BANK1: variants seen among roughly 807,000 people sequenced by gnomAD.
The protein encoded by BANK1 is B cell scaffold protein with ankyrin repeats 1.
Under a neutral mutation model 94.5 loss-of-function variants are expected in BANK1, and 95 were observed. That is an observed-to-expected ratio of 1.00 (90% confidence interval 0.85 to 1.19). The LOEUF is 1.19. Ranked by LOEUF, BANK1 falls within the 50% of genes most tolerant of loss-of-function variation. BANK1 has a pLI of 0.00. For missense variants in BANK1, 987 were observed against 932.2 expected (o/e 1.06, Z -0.77); for synonymous variants, 334 against 308.4 (o/e 1.08, Z -0.87).
At chr4:101,968,440 A>G (rs1724836746) in intron 7 of BANK1, among the ~76,000 whole-genome samples, 1 of 152,052 alleles carries the variant, frequency 6.6e-6, no homozygotes, top group Non-Finnish European at 1.5e-5. Context: ...GAAGTTTCAG[A>G]TAGATTTGGG....
chr4:101,953,786 C>T (rs1724249941), intron 7 of BANK1, among the ~76,000 whole-genome samples: 1 of 152,028 alleles, frequency 6.6e-6, no homozygotes, highest in Non-Finnish European at 1.5e-5. Flanking sequence ...ATTTTATTGT[C>T]AGTTGATATG....
At chr4:101,964,899 A>C (rs1194815271) in intron 7 of BANK1, among the ~76,000 whole-genome samples, 2 of 141,406 alleles carry the variant, frequency 1.4e-5, no homozygotes, top group East Asian at 2.2e-4. Context: ...ATATCTCCCA[A>C]TGCGATCCCT....
At chr4:101,951,099 G>A (rs1724134816) in intron 7 of BANK1, among the ~76,000 whole-genome samples, 1 of 152,028 alleles carries the variant, frequency 6.6e-6, no homozygotes, top group African/African-American at 2.4e-5. Context: ...GTAAAATATG[G>A]ATGTTAGTTA....
chr4:101,870,505 A>C lies in BANK1; in HGVS notation c.764A>C (p.Glu255Ala), dbSNP rs764438579. Residue 255 changes from glutamate (E) to alanine (A), a missense_variant and splice_region_variant, in exon 5 of 17, where the codon GAG becomes GCG. Transcript: ENST00000322953. ...CTAACCCTTGTTTGTTTTTCATAAGAGTTTCCTGCTGGTTCAGTCCATGTC... is the reference window on the plus strand; with the variant it reads ...CTAACCCTTGTTTGTTTTTCATAAGCGTTTCCTGCTGGTTCAGTCCATGTC... ...NKKVWCMKAL[E>A]FPAGSVHVNV... 1.9e-6 allele frequency: 3 copies of C among 1,609,830 alleles called. No individual in the cohort carries two copies. Among genetic ancestry groups the C allele is most frequent in the Non-Finnish European group, 2.5e-6 (3 of 1,178,202 alleles).
chr4:101,988,852 A>ATGTAACG (rs146117728), intron 7 of BANK1, among the ~76,000 whole-genome samples: 3,955 of 152,280 alleles, frequency 0.026, 177 homozygotes, highest in African/African-American at 0.091. Context: ...GAAAATTATT[A>ATGTAACG]TGTAACGTTT....
Position 101,947,727 on chromosome 4 carries a change from T to C in BANK1, c.1206+29538T>C, listed in dbSNP as rs577241214. On this transcript the variant is annotated intron_variant, in intron 7 of 16. Coordinates refer to ENST00000322953, the MANE Select transcript of BANK1 (RefSeq NM_017935.5). ...TATCCAGTCTTCTGAATAATCCCAC[T>C]GACCTTTGTTCTCCAAATTATTTTC... Among the ~76,000 whole-genome samples the C allele has an allele frequency of 3.3e-5, 5 of 152,158 alleles. No homozygotes were observed. The East Asian group carries it at 9.7e-4, about 30-fold the overall frequency.
At chr4:101,883,951 A>T (rs1728762940) in intron 5 of BANK1, among the ~76,000 whole-genome samples, 1 of 152,204 alleles carries the variant, frequency 6.6e-6, no homozygotes. Flanking sequence ...ATTTTCTAAA[A>T]GTCACCATGC....
At chr4:101,834,682 C>T (rs1726758867) in intron 2 of BANK1, among the ~76,000 whole-genome samples, 1 of 152,042 alleles carries the variant, frequency 6.6e-6, no homozygotes, top group African/African-American at 2.4e-5. Flanking sequence ...ATGTGGAATT[C>T]AGATTTTACT....
In BANK1 at chr4:102,063,151, C is replaced by T. The variant is rs142558283; in HGVS notation, c.2212+13C>T. On this transcript the variant is annotated intron_variant, in intron 13 of 16. Coordinates refer to ENST00000322953, the MANE Select transcript of BANK1 (RefSeq NM_017935.5). ...GAAAATGTCTATAGTAAGTAAGATT[C>T]GCCTGCTATTCAAAAATAATAGAGT... is the stretch of plus-strand genomic sequence containing the variant. The T allele has an allele frequency of 3.1e-4, 490 of 1,602,428 alleles. 1 individual carries two copies. In the African/African-American group the frequency reaches 5.9e-3, roughly 19 times the overall value.
In BANK1 at chr4:101,794,233, T is replaced by C. The variant is rs1725081685; in HGVS notation, c.70+3283T>C. ...ACCAGTTGTGACTCAGTTTACATAA[T>C]ATATAAATATATTTGAAAAAAATAA... On this transcript the variant is annotated intron_variant, in intron 1 of 16. Coordinates refer to ENST00000322953, the MANE Select transcript of BANK1 (RefSeq NM_017935.5). Among the ~76,000 whole-genome samples the C allele has an allele frequency of 3.3e-5, 5 of 152,160 alleles. No homozygotes were observed. The South Asian group carries it at 1.0e-3, about 32-fold the overall frequency.
intron 6 of BANK1, among the ~76,000 whole-genome samples, chr4:101,909,731 G>T (rs961494597): frequency 2.0e-5 from 3 of 152,028 alleles, no homozygotes; most frequent in African/African-American, 7.2e-5. Flanking sequence ...ATTTTGGGGG[G>T]CCTGCTCCCA....
At chr4:101,900,321 A>G (rs1722234924) in intron 6 of BANK1, among the ~76,000 whole-genome samples, 1 of 152,242 alleles carries the variant, frequency 6.6e-6, no homozygotes, top group Admixed American at 6.5e-5. Context: ...AAGGGTTATG[A>G]GAAAAATAAA....
intron 8 of BANK1, among the ~76,000 whole-genome samples, chr4:102,022,861 T>C (rs547874033): frequency 1.3e-4 from 20 of 152,182 alleles, no homozygotes; most frequent in Non-Finnish European, 2.4e-4. Context: ...CACAAACCAA[T>C]AATGTGCCTG....
At chr4:102,016,874 G>T (rs993539496) in intron 7 of BANK1, among the ~76,000 whole-genome samples, 1 of 152,076 alleles carries the variant, frequency 6.6e-6, no homozygotes, top group Admixed American at 6.5e-5. Context: ...TAAATTAAGG[G>T]CAGCAGAGAG....
chr4:102,073,303 G>A (rs1248514755), intron 15 of BANK1, among the ~76,000 whole-genome samples: 3 of 151,364 alleles, frequency 2.0e-5, no homozygotes, highest in South Asian at 4.1e-4. Context: ...TCATTCAAAT[G>A]TAGCAAAAGT....
chr4:101,892,826 G>GT (rs1388823560), intron 5 of BANK1, among the ~76,000 whole-genome samples: 4 of 151,920 alleles, frequency 2.6e-5, no homozygotes, highest in Non-Finnish European at 5.9e-5. Context: ...CAATGCCAAT[G>GT]TTTAGAAAGG....
At chr4:101,904,364 G>C (rs926956280) in intron 6 of BANK1, among the ~76,000 whole-genome samples, 7 of 152,194 alleles carry the variant, frequency 4.6e-5, no homozygotes, top group African/African-American at 1.7e-4. Flanking sequence ...AGGGGAAAAT[G>C]TTGGAGCTAT....
intron 2 of BANK1, among the ~76,000 whole-genome samples, chr4:101,854,377 T>A (rs917043593): frequency 3.9e-5 from 6 of 152,242 alleles, no homozygotes; most frequent in Non-Finnish European, 7.3e-5. Context: ...TTAAAATTTT[T>A]AAAATCAGAT....
chr4:102,037,025 G>A (rs905374978), intron 10 of BANK1: 1 of 152,334 alleles, frequency 6.6e-6, no homozygotes, highest in South Asian at 2.1e-4. Flanking sequence ...TCATTCGACA[G>A]CACAATGAAT....
Sources: gnomAD v4.1 joint callset for allele counts (sites outside exome capture counted in the v4.1 genomes callset) on GRCh38, gnomAD v4.1.1 for gene constraint, MANE v1.5 for transcripts, NCBI Gene and HGNC (gene_info 2026-07-23, HGNC 2026-07-21) for gene names.